Variants in AP3B1 observed in about 807,000 individuals in gnomAD.
The protein encoded by AP3B1 is adaptor related protein complex 3 subunit beta 1, also known as AP-3 complex subunit beta-1.
Under a neutral mutation model 132.5 loss-of-function variants are expected in AP3B1, and 61 were observed. The ratio of observed to expected loss-of-function variants is 0.46; its 90% CI spans 0.37 to 0.57. AP3B1 has a LOEUF of 0.57. Ranked by LOEUF, AP3B1 falls within the 20% of genes least tolerant of loss-of-function variation. AP3B1 has a pLI of 0.00. For missense variants in AP3B1, 1,120 were observed against 1,289.4 expected (o/e 0.87, Z 2.01); for synonymous variants, 388 against 438.3 (o/e 0.89, Z 1.43).
intron 19 of AP3B1, among the ~76,000 whole-genome samples, chr5:78,110,857 C>G (rs1039564554): frequency 3.3e-5 from 5 of 151,280 alleles, no homozygotes; most frequent in African/African-American, 1.2e-4. Flanking sequence ...CTCCCGGGCT[C>G]AAGCGATGCT....
intron 14 of AP3B1, among the ~76,000 whole-genome samples, chr5:78,143,464 A>G (rs1753240452): frequency 6.6e-6 from 1 of 152,196 alleles, no homozygotes; most frequent in African/African-American, 2.4e-5. Flanking sequence ...AAACTTCACC[A>G]CAAGAAATAA....
chr5:78,225,693 T>C (rs1746373078), intron 5 of AP3B1, 85 bp from the exon 6 acceptor site: 2 of 841,782 alleles, frequency 2.4e-6, no homozygotes, highest in South Asian at 1.6e-5. Context: ...TGTTGAGAAA[T>C]TTTTAAAGAG....
intron 6 of AP3B1, among the ~76,000 whole-genome samples, chr5:78,217,841 T>C (rs187645795): frequency 1.4e-3 from 209 of 152,156 alleles, no homozygotes; most frequent in African/African-American, 4.9e-3. Flanking sequence ...ATTGAACAGG[T>C]AATTCACAGT....
intron 17 of AP3B1, among the ~76,000 whole-genome samples, chr5:78,118,660 A>G (rs138406793): frequency 6.7e-6 from 1 of 150,080 alleles, no homozygotes. Context: ...TTGATTAGGT[A>G]AACAAAGCAG....
intron 22 of AP3B1, among the ~76,000 whole-genome samples, chr5:78,080,913 C>T (rs1020138769): frequency 1.3e-5 from 2 of 152,118 alleles, no homozygotes; most frequent in African/African-American, 2.4e-5. Flanking sequence ...ACCAAAGGTA[C>T]CGTCTCTCTT....
At chr5:78,286,419 T>G (rs1339036352) in intron 1 of AP3B1, among the ~76,000 whole-genome samples, 1 of 152,178 alleles carries the variant, frequency 6.6e-6, no homozygotes, top group Non-Finnish European at 1.5e-5. Flanking sequence ...CTTCACAGTC[T>G]TCCATTCTCT....
intron 22 of AP3B1, among the ~76,000 whole-genome samples, chr5:78,060,090 A>AT (rs1170173391): frequency 6.6e-6 from 1 of 152,194 alleles, no homozygotes. Context: ...AGGTATCAAA[A>AT]AAGAATGGAA....
At chr5:78,290,055 A>G (rs917673154) in intron 1 of AP3B1, among the ~76,000 whole-genome samples, 9 of 152,190 alleles carry the variant, frequency 5.9e-5, no homozygotes, top group African/African-American at 2.2e-4. Flanking sequence ...TTAATATCCT[A>G]GTTTAGAAAT....
At chr5:78,079,574 G>A (rs755256138) in intron 22 of AP3B1, among the ~76,000 whole-genome samples, 14 of 152,128 alleles carry the variant, frequency 9.2e-5, no homozygotes, top group Non-Finnish European at 2.1e-4. Context: ...AGATATGGAA[G>A]AAAAGGAATA....
rs148023800 is a variant in AP3B1, at chr5:78,129,210, G to A, written c.1748C>T (p.Pro583Leu). 91 of 1,612,850 alleles carry A rather than the reference G, an allele frequency of 5.6e-5. No individual in the cohort carries two copies. The East Asian group carries it at 6.9e-4, about 12-fold the overall frequency. The change falls in exon 16 of 27, where the codon CCG becomes CTG. Residue 583 changes from proline (P) to leucine (L), a missense_variant. Transcript: ENST00000255194. ...ACTTAAAGCTCCACTCTTTACATTC[G>A]GAACAATAAGCTGCCTAATAAATCT... ...RTRFIRQLIV[P>L]NVKSGALSKY... is the part of the protein sequence containing the mutation.
At chr5:78,274,705 G>A (rs922531365) in intron 1 of AP3B1, among the ~76,000 whole-genome samples, 18 of 152,114 alleles carry the variant, frequency 1.2e-4, no homozygotes, top group Non-Finnish European at 1.8e-4. Context: ...GATTGCTTAA[G>A]GCCAGGAGTT....
chr5:78,167,807 G>A (rs1188134584), intron 11 of AP3B1, among the ~76,000 whole-genome samples: 1 of 152,068 alleles, frequency 6.6e-6, no homozygotes, highest in African/African-American at 2.4e-5. Flanking sequence ...ATAAGTGGGA[G>A]CTAAGCTATG....
At chr5:78,193,968 C>A (rs972955011) in intron 7 of AP3B1, among the ~76,000 whole-genome samples, 23 of 151,522 alleles carry the variant, frequency 1.5e-4, no homozygotes, top group African/African-American at 5.6e-4. Flanking sequence ...GGGGTTTCAC[C>A]GTGTTAGCCA....
At chr5:78,046,840 C>G (rs1439628147) in intron 22 of AP3B1, among the ~76,000 whole-genome samples, 1 of 152,110 alleles carries the variant, frequency 6.6e-6, no homozygotes, top group Non-Finnish European at 1.5e-5. Context: ...TCTCCTAATG[C>G]TAGCCCTCCC....
chr5:78,020,926 AAAGGTTTAAACATTTT>A (rs1269706809), intron 24 of AP3B1, 137 bp from the exon 25 acceptor site: 2 of 677,398 alleles, frequency 3.0e-6, no homozygotes, highest in African/African-American at 3.6e-5. Context: ...TCACAGCTAA[AAAGGTTTAAACATTTT>A]CCCAAACAAA....
chr5:78,260,747 AAAG>A (rs1295142119), intron 2 of AP3B1, among the ~76,000 whole-genome samples: 3 of 152,164 alleles, frequency 2.0e-5, no homozygotes, highest in Non-Finnish European at 1.5e-5. Flanking sequence ...ATGATTTTTG[AAAG>A]ACAAGCTCCC....
chr5:78,215,614 T>A (rs1270659083), intron 7 of AP3B1, among the ~76,000 whole-genome samples: 1 of 152,216 alleles, frequency 6.6e-6, no homozygotes, highest in Non-Finnish European at 1.5e-5. Context: ...TATTTATCTA[T>A]AGAGGCAAGA....
At chr5:78,288,411 TGC>T (rs1749371806) in intron 1 of AP3B1, among the ~76,000 whole-genome samples, 2 of 152,324 alleles carry the variant, frequency 1.3e-5, no homozygotes, top group South Asian at 4.1e-4. Flanking sequence ...GAGGTAAAGA[TGC>T]CTTTGAAGAC....
chr5:78,070,472 G>A (rs557408847), intron 22 of AP3B1, among the ~76,000 whole-genome samples: 1 of 150,770 alleles, frequency 6.6e-6, no homozygotes, highest in South Asian at 2.1e-4. Flanking sequence ...AGAAAATCTA[G>A]GCAATATCAT....
Sources: allele counts gnomAD v4.1 joint callset (sites outside exome capture counted in the v4.1 genomes callset), GRCh38; gene constraint gnomAD v4.1.1; transcripts MANE v1.5; gene names NCBI Gene and HGNC (gene_info 2026-07-23, HGNC 2026-07-21).